Variants in MOK observed in about 807,000 individuals in gnomAD.
MOK encodes the protein MAPK/MAK/MRK overlapping kinase.
A neutral mutation model predicts 54.2 loss-of-function variants in MOK; 59 were observed. That is an observed-to-expected ratio of 1.09 (90% CI 0.88 to 1.35). MOK has a LOEUF of 1.35. Among genes scored for constraint, MOK ranks in the 40% most tolerant of loss-of-function variants. MOK has a pLI of 0.00. For missense variants in MOK, 517 were observed against 526.2 expected (o/e 0.98, Z 0.17); for synonymous variants, 210 against 202.7 (o/e 1.04, Z -0.31).
At position 102,232,480 on chromosome 14, in the gene MOK, G is replaced by A. The variant is rs2064819190; in HGVS notation, c.866+55C>T. 6 of 1,561,120 alleles carry A rather than the reference G, an allele frequency of 3.8e-6. No individual in the cohort carries two copies. The highest frequency in any genetic ancestry group is 3.5e-6 in the Non-Finnish European group (4 of 1,146,308). On this transcript the variant is annotated intron_variant, in intron 9 of 11. Coordinates refer to ENST00000361847, the MANE Select transcript of MOK (RefSeq NM_014226.3). The surrounding 1 kb of genome is among the most constrained non-coding windows in gnomAD (Gnocchi z 5.1). ...GTACCTTGCCCCACCATGTGCCCAT[G>A]GGTCTCATTTGCCAGGTCCTGCATC...
intron 1 of MOK, among the ~76,000 whole-genome samples, chr14:102,285,549 T>C (rs184058160): frequency 6.6e-6 from 1 of 152,324 alleles, no homozygotes; most frequent in Admixed American, 6.5e-5. Flanking sequence ...CCTTATCTGT[T>C]AGCAAGAAAT....
downstream of MOK, among the ~76,000 whole-genome samples, chr14:102,227,944 C>A (rs2064320990): frequency 6.6e-6 from 1 of 152,128 alleles, no homozygotes; most frequent in South Asian, 2.1e-4. Flanking sequence ...TAGCCTTTTT[C>A]AAAAATATCT....
chr14:102,280,513 A>T (rs1246631901), intron 2 of MOK, among the ~76,000 whole-genome samples: 1 of 152,164 alleles, frequency 6.6e-6, no homozygotes, highest in African/African-American at 2.4e-5. Flanking sequence ...TGCTGGGCCA[A>T]CCTGTGGGAT....
At chr14:102,229,707 G>A (rs2153080332) in intron 10 of MOK, 50 bp from the exon 11 acceptor site, 1 of 1,487,704 alleles carries the variant, frequency 6.7e-7, no homozygotes, top group Non-Finnish European at 9.1e-7. Flanking sequence ...TCTGCTTTAT[G>A]GAAATTAGGA....
At chr14:102,218,231 G>T in the MOK span, among the ~76,000 whole-genome samples, 1 of 152,252 alleles carries the variant, frequency 6.6e-6, no homozygotes, top group Non-Finnish European at 1.5e-5. Context: ...ACCAGAGAGG[G>T]TATTGAACAG....
At position 102,249,664 on chromosome 14, in the gene MOK, G is replaced by A. The variant is rs1268085294; in HGVS notation, c.590+1148C>T. On this transcript the variant is annotated intron_variant, in intron 7 of 11. Transcript: ENST00000361847. The surrounding 1 kb of genome is among the most constrained non-coding windows in gnomAD (Gnocchi z 5.3). ...GCGGAGGCTGCGGTGAGCCAAGATCGCACCATTGCACTCCAGCCTAGGCAA... is the reference window on the plus strand; with the variant it reads ...GCGGAGGCTGCGGTGAGCCAAGATCACACCATTGCACTCCAGCCTAGGCAA... Among the ~76,000 whole-genome samples the A allele has an allele frequency of 1.3e-5, 2 of 152,142 alleles. No homozygotes were observed. The highest frequency in any genetic ancestry group is 2.9e-5 in the Non-Finnish European group (2 of 68,018).
intron 2 of MOK, chr14:102,278,653 C>A (rs1356729965): frequency 2.2e-6 from 1 of 454,744 alleles, no homozygotes. Flanking sequence ...TAGCAACGGG[C>A]CAGGTGGGGA....
At chr14:102,219,742 T>C (rs1282954521), downstream of MOK, among the ~76,000 whole-genome samples, 3 of 152,232 alleles carry the variant, frequency 2.0e-5, no homozygotes, top group African/African-American at 7.2e-5. Context: ...ATTCTCTGCA[T>C]GGCGATGCAT....
In MOK at chr14:102,278,440, T is replaced by C. The variant is rs75678554; in HGVS notation, c.122+5038A>G. Among the ~76,000 whole-genome samples, 1,410 of 152,266 alleles carry C rather than the reference T, an allele frequency of 9.3e-3. 37 individuals are homozygous for C. Among genetic ancestry groups the C allele is most frequent in the African/African-American group, 0.032 (1,324 of 41,548 alleles). ...TAAATTCCTTGCCTTTGTTTCTATT[T>C]ATAACCTTACACAGCAGACTTTTTG... On this transcript the variant is annotated intron_variant, in intron 2 of 11. Transcript: ENST00000361847.
downstream of MOK, chr14:102,223,035 C>A: frequency 1.3e-6 from 1 of 799,914 alleles, no homozygotes; most frequent in Non-Finnish European, 2.0e-6. Flanking sequence ...GCTCACTCTG[C>A]GGCGCCGTGC....
chr14:102,214,684 G>A, the MOK span: 1 of 983,338 alleles, frequency 1.0e-6, no homozygotes, highest in Non-Finnish European at 1.2e-6. Flanking sequence ...AAAATCAAAA[G>A]TAAAATTCAC....
At chr14:102,285,507 T>C (rs1271649191) in intron 1 of MOK, among the ~76,000 whole-genome samples, 6 of 152,246 alleles carry the variant, frequency 3.9e-5, no homozygotes, top group Non-Finnish European at 7.3e-5. Flanking sequence ...TTTTCAGAAG[T>C]GATAACGGTT....
Position 102,229,066 on chromosome 14 carries a change from C to T in MOK, c.*223G>A, listed in dbSNP as rs1053386584. On this transcript the variant is annotated 3_prime_UTR_variant, in exon 12 of 12. Coordinates refer to ENST00000361847, the MANE Select transcript of MOK (RefSeq NM_014226.3). ...TTCTTAACGAAAATGAAAGAAAACC[C>T]TAGAATGCGGTGGTTTTACAAGTAT... 4 of 509,930 alleles carry T rather than the reference C, an allele frequency of 7.8e-6. No individual in the cohort carries two copies. The highest frequency in any genetic ancestry group is 1.0e-5 in the Non-Finnish European group (3 of 293,140). The allele number at this position is 509,930 out of a possible 1,614,324, so 31.6% of individuals were successfully genotyped here.
chr14:102,277,079 C>A (rs551470017), intron 2 of MOK, among the ~76,000 whole-genome samples: 2 of 141,054 alleles, frequency 1.4e-5, no homozygotes, highest in Non-Finnish European at 3.0e-5. Context: ...ATACGACATA[C>A]AGACCAGGCT....
intron 4 of MOK, among the ~76,000 whole-genome samples, chr14:102,252,316 G>A (rs2066597354): frequency 1.3e-5 from 2 of 152,088 alleles, no homozygotes; most frequent in Admixed American, 1.3e-4. Flanking sequence ...TTTGCCGGGT[G>A]TGGTGGCGGG....
chr14:102,290,416 G>A (rs1343497138), intron 1 of MOK, among the ~76,000 whole-genome samples: 1 of 151,508 alleles, frequency 6.6e-6, no homozygotes, highest in Non-Finnish European at 1.5e-5. Flanking sequence ...CTCCAGCCTG[G>A]GCAACAAGAG....
At position 102,232,421 on chromosome 14, in the gene MOK, C is replaced by T. The variant is rs188180744; in HGVS notation, c.866+114G>A. On this transcript the variant is annotated intron_variant, in intron 9 of 11. Coordinates refer to ENST00000361847, the MANE Select transcript of MOK (RefSeq NM_014226.3). The surrounding 1 kb of genome is among the most constrained non-coding windows in gnomAD (Gnocchi z 5.1). ...TGACCACTCTTCAGGATAGAGAGCG[C>T]GATTCCCAAGAACCAGGGACCCTCC... 4.9e-5 allele frequency: 63 copies of T among 1,279,374 alleles called. No individual in the cohort carries two copies. Among genetic ancestry groups the T allele is most frequent in the Middle Eastern group, 5.7e-4 (2 of 3,526 alleles). The allele number at this position is 1,279,374 out of a possible 1,614,324, so 79.3% of individuals were successfully genotyped here. A position where few individuals can be genotyped will look rare whatever the true frequency, so the allele number is the denominator to read the frequency against.
intron 3 of MOK, among the ~76,000 whole-genome samples, 178 bp downstream of exon 3, chr14:102,265,645 T>TA (rs1245431897): frequency 6.6e-6 from 1 of 150,990 alleles, no homozygotes; most frequent in East Asian, 1.9e-4. Context: ...AAAATAATAA[T>TA]AAAAAAAAGA....
rs147135966 is a variant in MOK at position 102,295,985 on chromosome 14, C to G, written c.7+8977G>C. Among the ~76,000 whole-genome samples the G allele has an allele frequency of 7.2e-3, 1,092 of 152,134 alleles. 6 individuals are homozygous for G. Among genetic ancestry groups the G allele is most frequent in the Non-Finnish European group, 0.012 (787 of 67,982 alleles). On this transcript the variant is annotated intron_variant, in intron 1 of 11. Transcript: ENST00000361847. Reference sequence around the variant, plus strand: ...ACCTGGCTAGGCATAGTGGCTCATGCCTGTAATCCCAGCACTTTGGGAGAC... The same window carrying G: ...ACCTGGCTAGGCATAGTGGCTCATGGCTGTAATCCCAGCACTTTGGGAGAC...
Sources: gnomAD v4.1 joint callset for allele counts (sites outside exome capture counted in the v4.1 genomes callset) on GRCh38, gnomAD v4.1.1 for gene constraint, Gnocchi (gnomAD v3.1) non-coding constraint, MANE v1.5 for transcripts, NCBI Gene and HGNC (gene_info 2026-07-23, HGNC 2026-07-21) for gene names.